Variants in NAALADL2 observed in about 807,000 individuals in gnomAD.
The protein encoded by NAALADL2 is inactive N-acetylated-alpha-linked acidic dipeptidase-like protein 2.
Under a neutral mutation model 87.2 loss-of-function variants are expected in NAALADL2, and 76 were observed. The ratio of observed to expected loss-of-function variants is 0.87; its 90% CI spans 0.72 to 1.05. The LOEUF (loss-of-function observed/expected upper bound fraction) is 1.05. Ranked by LOEUF, NAALADL2 falls within the 50% of genes least tolerant of loss-of-function variation. The pLI is 0.00. For missense variants in NAALADL2, 1,089 were observed against 945.8 expected (o/e 1.15, Z -1.99); for synonymous variants, 354 against 331.0 (o/e 1.07, Z -0.75).
At chr3:175,684,711 G>A (rs1736033256) in intron 11 of NAALADL2, among the ~76,000 whole-genome samples, 1 of 152,126 alleles carries the variant, frequency 6.6e-6, no homozygotes, top group Non-Finnish European at 1.5e-5. Context: ...GCTGAGGGAA[G>A]AGAATCACTT....
At chr3:174,513,808 C>G (rs545764017) in intron 1 of NAALADL2, among the ~76,000 whole-genome samples, 2 of 152,156 alleles carry the variant, frequency 1.3e-5, no homozygotes, top group African/African-American at 4.8e-5. Flanking sequence ...GTAGGACTAA[C>G]AAAGAATTTC....
At chr3:175,689,136 A>C (rs1352612688) in intron 11 of NAALADL2, among the ~76,000 whole-genome samples, 3 of 152,214 alleles carry the variant, frequency 2.0e-5, no homozygotes, top group African/African-American at 7.2e-5. Flanking sequence ...ATTAAAGAAA[A>C]GTGAAAAATG....
intron 1 of NAALADL2, among the ~76,000 whole-genome samples, chr3:174,549,922 G>T (rs1008017378): frequency 1.3e-5 from 2 of 150,544 alleles, no homozygotes; most frequent in East Asian, 2.0e-4. Flanking sequence ...CTCTTTTAAA[G>T]AAAAAAATAC....
chr3:175,191,051 G>C (rs1185782241), intron 2 of NAALADL2, among the ~76,000 whole-genome samples: 1 of 151,630 alleles, frequency 6.6e-6, no homozygotes, highest in Non-Finnish European at 1.5e-5. Flanking sequence ...AATTAAATGT[G>C]TAACACAAGA....
chr3:175,628,609 C>CTATGTGTA (rs10663163), intron 11 of NAALADL2, among the ~76,000 whole-genome samples: 1,390 of 132,202 alleles, frequency 0.011, 32 homozygotes, highest in African/African-American at 0.039. Flanking sequence ...AATAATCTCT[C>CTATGTGTA]TCTCTATGTA....
chr3:175,275,894 A>G (rs956931441), intron 4 of NAALADL2, among the ~76,000 whole-genome samples: 2 of 151,148 alleles, frequency 1.3e-5, no homozygotes, highest in Non-Finnish European at 3.0e-5. Flanking sequence ...GAAAACTCCT[A>G]AAACTATTTC....
intron 11 of NAALADL2, among the ~76,000 whole-genome samples, chr3:175,690,102 T>G (rs1485991692): frequency 6.6e-6 from 1 of 152,046 alleles, no homozygotes; most frequent in Non-Finnish European, 1.5e-5. Flanking sequence ...TATAAATATA[T>G]AGAGAAAGTT....
intron 10 of NAALADL2, among the ~76,000 whole-genome samples, chr3:175,591,643 A>T (rs553691327): frequency 6.6e-6 from 1 of 152,110 alleles, no homozygotes; most frequent in African/African-American, 2.4e-5. Flanking sequence ...AAGTAAAGTG[A>T]AGTTCAGTGC....
chr3:174,829,666 T>C (rs1027667977), intron 3 of NAALADL2, among the ~76,000 whole-genome samples: 2 of 142,546 alleles, frequency 1.4e-5, no homozygotes, highest in African/African-American at 5.5e-5. Context: ...GTATTTCCAG[T>C]TCTAGATCCC....
At chr3:175,093,335 T>C (rs1055549457) in intron 1 of NAALADL2, among the ~76,000 whole-genome samples, 1 of 150,722 alleles carries the variant, frequency 6.6e-6, no homozygotes, top group African/African-American at 2.4e-5. Context: ...CATAGAATAA[T>C]TTATGCTATC....
chr3:175,000,121 A>T (rs1335018755), intron 1 of NAALADL2, among the ~76,000 whole-genome samples: 1 of 152,206 alleles, frequency 6.6e-6, no homozygotes, highest in Non-Finnish European at 1.5e-5. Flanking sequence ...TCAATTTAAC[A>T]TTCATTTATT....
chr3:175,277,449 A>T (rs1489433346), intron 4 of NAALADL2, among the ~76,000 whole-genome samples: 1 of 152,158 alleles, frequency 6.6e-6, no homozygotes, highest in Non-Finnish European at 1.5e-5. Flanking sequence ...AATGCTGTGG[A>T]TCTAAAAACC....
At chr3:174,494,621 T>TAA (rs71162392) in intron 1 of NAALADL2, among the ~76,000 whole-genome samples, 54 of 148,414 alleles carry the variant, frequency 3.6e-4, no homozygotes, top group South Asian at 1.9e-3. Flanking sequence ...CTTAAAGTAT[T>TAA]AAAAAAAAAA....
chr3:175,185,565 A>G (rs984063242), intron 2 of NAALADL2, among the ~76,000 whole-genome samples: 1 of 151,852 alleles, frequency 6.6e-6, no homozygotes, highest in African/African-American at 2.4e-5. Context: ...TGTGGTATAG[A>G]TATGTACATA....
At chr3:174,947,856 C>A (rs2108499005) in intron 1 of NAALADL2, among the ~76,000 whole-genome samples, 1 of 152,158 alleles carries the variant, frequency 6.6e-6, no homozygotes, top group Admixed American at 6.5e-5. Context: ...AAGACTTGCA[C>A]TGAGCTTTAT....
chr3:175,497,769 G>T (rs1008734755), intron 9 of NAALADL2, among the ~76,000 whole-genome samples: 1 of 152,036 alleles, frequency 6.6e-6, no homozygotes, highest in African/African-American at 2.4e-5. Context: ...AAATGCATAT[G>T]CAGTATATAA....
chr3:174,462,615 G>T (rs574192857), intron 1 of NAALADL2, among the ~76,000 whole-genome samples: 1 of 152,118 alleles, frequency 6.6e-6, no homozygotes, highest in African/African-American at 2.4e-5. Flanking sequence ...AATTAATTTA[G>T]AGAATTAAGT....
intron 5 of NAALADL2, among the ~76,000 whole-genome samples, chr3:175,402,461 C>T (rs1486641618): frequency 2.0e-5 from 3 of 151,966 alleles, no homozygotes; most frequent in Non-Finnish European, 4.4e-5. Context: ...TCAATGGCTC[C>T]CTACTGCTTA....
intron 2 of NAALADL2, among the ~76,000 whole-genome samples, chr3:174,687,165 C>G (rs866343120): frequency 6.6e-6 from 1 of 152,090 alleles, no homozygotes; most frequent in African/African-American, 2.4e-5. Context: ...TTATCACAAA[C>G]TTGGTTAGTC....
Sources: gnomAD v4.1 joint callset for allele counts (sites outside exome capture counted in the v4.1 genomes callset) on GRCh38, gnomAD v4.1.1 for gene constraint, MANE v1.5 for transcripts, NCBI Gene and HGNC (gene_info 2026-07-23, HGNC 2026-07-21) for gene names.